Variants in DHRSX observed in about 807,000 individuals in gnomAD.
DHRSX encodes dehydrogenase/reductase X-linked.
In DHRSX, 31 loss-of-function variants were observed where a neutral mutation model predicts 34.0. The observed-to-expected ratio is 0.91, with a 90% confidence interval of 0.69 to 1.23. DHRSX has a LOEUF of 1.23. DHRSX is among the 50% of genes most tolerant of loss of function. The pLI is 0.00. For missense variants in DHRSX, 414 were observed against 428.1 expected, an observed-to-expected ratio of 0.97 and a Z score of 0.29; for synonymous variants, 201 against 183.8, an observed-to-expected ratio of 1.09 and a Z score of -0.76.
chrX:2,340,446 C>G (rs1339258580), intron 3 of DHRSX, among the ~76,000 whole-genome samples: 5 of 150,684 alleles, frequency 3.3e-5, no homozygotes, highest in African/African-American at 1.2e-4. Context: ...GTGCGTCTGT[C>G]TGTGTGTGTG....
chrX:2,377,669 T>C (rs1426944161), intron 3 of DHRSX, among the ~76,000 whole-genome samples: 4 of 151,716 alleles, frequency 2.6e-5, no homozygotes, highest in Admixed American at 1.3e-4. Flanking sequence ...CTCCAGAGCC[T>C]CCGCAAGGGG....
intron 1 of DHRSX, among the ~76,000 whole-genome samples, chrX:2,474,572 T>A (rs1294675947): frequency 1.3e-5 from 2 of 151,102 alleles, no homozygotes; most frequent in Non-Finnish European, 2.9e-5. Context: ...TGCCACGCTG[T>A]GCATACTGAA....
chrX:2,265,820 T>A (rs1453400443), intron 5 of DHRSX, among the ~76,000 whole-genome samples: 1 of 138,602 alleles, frequency 7.2e-6, no homozygotes, highest in African/African-American at 2.8e-5. Context: ...CAGGGAGCAC[T>A]GTCCTCAGAG....
At chrX:2,417,550 G>C (rs1457209311) in intron 2 of DHRSX, among the ~76,000 whole-genome samples, 1 of 151,584 alleles carries the variant, frequency 6.6e-6, no homozygotes, top group Non-Finnish European at 1.5e-5. Flanking sequence ...GCCTCATCAT[G>C]ACCTTCCTAA....
At chrX:2,399,406 T>TTA (rs1556506280) in intron 3 of DHRSX, among the ~76,000 whole-genome samples, 4 of 142,308 alleles carry the variant, frequency 2.8e-5, no homozygotes, top group Non-Finnish European at 4.6e-5. Flanking sequence ...ATTTTATGTT[T>TTA]AAAAAAAAAA....
At chrX:2,390,935 T>C (rs2043328674) in intron 3 of DHRSX, among the ~76,000 whole-genome samples, 1 of 152,132 alleles carries the variant, frequency 6.6e-6, no homozygotes, top group Non-Finnish European at 1.5e-5. Flanking sequence ...TTATTTCACT[T>C]AGCATTAATG....
chrX:2,449,634 C>G (rs1819085317), intron 1 of DHRSX, among the ~76,000 whole-genome samples: 1 of 151,996 alleles, frequency 6.6e-6, no homozygotes, highest in African/African-American at 2.4e-5. Context: ...TAGCTGTGAC[C>G]ACACACGCGT....
In DHRSX at chrX:2,268,729, C is replaced by T. The variant is rs1295689175; in HGVS notation, c.389-1782G>A. 2.6e-5 allele frequency among the ~76,000 whole-genome samples: 4 copies of T among 152,204 alleles called. 1 individual carries two copies. In the South Asian group the frequency reaches 8.3e-4, roughly 31 times the overall value. Reference sequence around the variant, plus strand: ...ACATCTTTGCATGTGTATCTGCATACAGTGTATGTATATATTATATGTTTC... The same window carrying T: ...ACATCTTTGCATGTGTATCTGCATATAGTGTATGTATATATTATATGTTTC... On this transcript the variant is annotated intron_variant, in intron 4 of 6. Coordinates refer to ENST00000334651, the MANE Select transcript of DHRSX (RefSeq NM_145177.3).
chrX:2,425,109 C>T, intron 2 of DHRSX, 88 bp downstream of exon 2: 2 of 1,017,028 alleles, frequency 2.0e-6, no homozygotes, highest in Non-Finnish European at 3.0e-6. Context: ...CACTGCAGTC[C>T]AGCACGGGTT....
intron 4 of DHRSX, among the ~76,000 whole-genome samples, chrX:2,276,099 C>A (rs1468956666): frequency 6.6e-6 from 1 of 152,206 alleles, no homozygotes; most frequent in Non-Finnish European, 1.5e-5. Context: ...ACGTCGGCCT[C>A]CCAAAGTGCT....
chrX:2,327,884 T>G (rs1328646598), intron 3 of DHRSX, among the ~76,000 whole-genome samples: 1 of 151,758 alleles, frequency 6.6e-6, no homozygotes, highest in East Asian at 1.9e-4. Context: ...ATCGAGACCA[T>G]CCTGGCTAAC....
chrX:2,229,905 A>G (rs750332121), intron 6 of DHRSX, among the ~76,000 whole-genome samples: 1 of 152,196 alleles, frequency 6.6e-6, no homozygotes, highest in African/African-American at 2.4e-5. Context: ...GTGTGAGTAC[A>G]TGTACGTACA....
chrX:2,276,712 T>G (rs1363942853), intron 4 of DHRSX, among the ~76,000 whole-genome samples: 3 of 142,686 alleles, frequency 2.1e-5, no homozygotes, highest in African/African-American at 2.6e-5. Context: ...GAAAGGAGAG[T>G]GATGGGGATG....
At chrX:2,488,724 C>A (rs2045022017) in intron 1 of DHRSX, 1 of 1,613,966 alleles carries the variant, frequency 6.2e-7, no homozygotes, top group African/African-American at 1.3e-5. Flanking sequence ...AGGCCCCACT[C>A]CCCCTCGTCC....
intron 3 of DHRSX, among the ~76,000 whole-genome samples, chrX:2,352,214 G>T (rs1285450010): frequency 2.0e-5 from 3 of 151,934 alleles, no homozygotes; most frequent in Non-Finnish European, 4.4e-5. Flanking sequence ...ATATAATCCT[G>T]CAGGAAAATA....
At chrX:2,339,527 T>C (rs1223317546) in intron 3 of DHRSX, among the ~76,000 whole-genome samples, 1 of 152,038 alleles carries the variant, frequency 6.6e-6, no homozygotes, top group East Asian at 1.9e-4. Context: ...TAGTCTTTTA[T>C]CCCTCGCTGC....
intron 2 of DHRSX, among the ~76,000 whole-genome samples, chrX:2,415,585 C>T (rs977405949): frequency 2.0e-5 from 3 of 151,694 alleles, no homozygotes; most frequent in African/African-American, 7.3e-5. Context: ...CCAACTAGAC[C>T]TCATCATAAC....
chrX:2,352,591 C>G (rs767676198), intron 3 of DHRSX, among the ~76,000 whole-genome samples: 1 of 152,314 alleles, frequency 6.6e-6, no homozygotes, highest in South Asian at 2.1e-4. Flanking sequence ...TCTGACACTT[C>G]TTCCTACCAA....
chrX:2,268,125 G>C (rs1420615613), intron 4 of DHRSX, among the ~76,000 whole-genome samples: 2 of 152,112 alleles, frequency 1.3e-5, no homozygotes, highest in Non-Finnish European at 2.9e-5. Context: ...CATCACCGCA[G>C]GTTCTGTGCT....
Sources: allele counts gnomAD v4.1 joint callset (sites outside exome capture counted in the v4.1 genomes callset), GRCh38; gene constraint gnomAD v4.1.1; transcripts MANE v1.5; gene names NCBI Gene and HGNC (gene_info 2026-07-23, HGNC 2026-07-21).